The following NPAS2 variants were observed in gnomAD, a reference collection of about 807,000 sequenced individuals.
The protein encoded by NPAS2 is neuronal PAS domain protein 2.
In NPAS2, 23 loss-of-function variants were observed where a neutral mutation model predicts 107.5. That is an observed-to-expected ratio of 0.21 (90% CI 0.15 to 0.30). NPAS2 has a LOEUF of 0.30. Ranked by LOEUF, NPAS2 falls within the 10% of genes least tolerant of loss-of-function variation. The pLI is 1.00. For synonymous variants in NPAS2, 403 were observed against 417.5 expected (o/e 0.97, Z 0.42); for missense variants, 756 against 1,043.3 (o/e 0.72, Z 3.79).
At chr2:100,818,834 G>C (rs1558774243), upstream of NPAS2, among the ~76,000 whole-genome samples, 1 of 152,248 alleles carries the variant, frequency 6.6e-6, no homozygotes. Context: ...CGTGGGAGCG[G>C]GCAGGGGGAC....
chr2:100,923,988 G>A (rs947306662), intron 2 of NPAS2, among the ~76,000 whole-genome samples: 1 of 152,134 alleles, frequency 6.6e-6, no homozygotes, highest in African/African-American at 2.4e-5. Context: ...AGGTGCTTGG[G>A]TGGCTTGGGG....
chr2:100,956,965 C>T (rs1054831264), intron 7 of NPAS2, among the ~76,000 whole-genome samples: 1 of 152,156 alleles, frequency 6.6e-6, no homozygotes, highest in Admixed American at 6.5e-5. Flanking sequence ...GGAGGATGCC[C>T]CCCTCTCCTC....
At chr2:100,831,127 G>A (rs1466765972) in intron 1 of NPAS2, among the ~76,000 whole-genome samples, 1 of 151,914 alleles carries the variant, frequency 6.6e-6, no homozygotes, top group African/African-American at 2.4e-5. Context: ...TGGTGAAACC[G>A]CTTCTGTACT....
At chr2:100,961,634 C>T (rs1042138809) in intron 7 of NPAS2, among the ~76,000 whole-genome samples, 1 of 152,186 alleles carries the variant, frequency 6.6e-6, no homozygotes, top group African/African-American at 2.4e-5. Context: ...GGCAGCCAGG[C>T]CAACAGTAAG....
chr2:100,931,870 A>G (rs925752411), intron 3 of NPAS2, among the ~76,000 whole-genome samples: 1 of 152,264 alleles, frequency 6.6e-6, no homozygotes, highest in East Asian at 1.9e-4. Flanking sequence ...TGCATTCCTC[A>G]TGCGCCACGT....
At chr2:100,960,301 G>A (rs918539845) in intron 7 of NPAS2, among the ~76,000 whole-genome samples, 3 of 151,998 alleles carry the variant, frequency 2.0e-5, no homozygotes, top group African/African-American at 7.2e-5. Flanking sequence ...GGTGGCTCAC[G>A]CCTGTAATCC....
intron 1 of NPAS2, among the ~76,000 whole-genome samples, chr2:100,851,425 C>G (rs10206927): frequency 0.79 from 120,188 of 152,268 alleles, 48,234 homozygotes; most frequent in African/African-American, 0.92. Flanking sequence ...ACATCAAGGT[C>G]CTTGACAAGT....
chr2:100,876,231 C>G (rs530358595), intron 1 of NPAS2, among the ~76,000 whole-genome samples: 1 of 152,320 alleles, frequency 6.6e-6, no homozygotes, highest in African/African-American at 2.4e-5. Flanking sequence ...GCTTAGCAAC[C>G]TTTCTCCAGG....
intron 1 of NPAS2, among the ~76,000 whole-genome samples, chr2:100,869,772 C>T (rs987089154): frequency 6.6e-6 from 1 of 152,192 alleles, no homozygotes; most frequent in Admixed American, 6.5e-5. Flanking sequence ...CTCTGGCCTC[C>T]TGCCTTATCC....
chr2:100,936,729 C>G (rs1684323826), intron 4 of NPAS2, among the ~76,000 whole-genome samples: 1 of 152,104 alleles, frequency 6.6e-6, no homozygotes, highest in African/African-American at 2.4e-5. Context: ...ACCTGTAATC[C>G]CAGCACTTTG....
intron 8 of NPAS2, 30 bp from the exon 9 acceptor site, chr2:100,964,831 A>C (rs1573738078): frequency 7.1e-7 from 1 of 1,411,488 alleles, no homozygotes; most frequent in Non-Finnish European, 9.7e-7. Flanking sequence ...CACCCAAGCA[A>C]CTTTTTTTTT....
chr2:100,980,275 C>T (rs1437442899), intron 15 of NPAS2, among the ~76,000 whole-genome samples: 3 of 152,244 alleles, frequency 2.0e-5, no homozygotes, highest in Middle Eastern at 3.4e-3. Context: ...GAAGGGGCAA[C>T]GCTGAGTTTC....
At chr2:100,887,337 G>A (rs1244012427) in intron 1 of NPAS2, among the ~76,000 whole-genome samples, 3 of 152,212 alleles carry the variant, frequency 2.0e-5, no homozygotes, top group African/African-American at 4.8e-5. Context: ...GGAACAGCAG[G>A]AACAGAGCAG....
Position 100,974,847 on chromosome 2 carries a change from C to G in NPAS2, c.1185C>G (p.Leu395=). The G allele has an allele frequency of 1.9e-6, 3 of 1,614,134 alleles. No individual in the cohort carries two copies. Among genetic ancestry groups the G allele is most frequent in the African/African-American group, 2.7e-5 (2 of 75,064 alleles). The change falls in exon 13 of 21, where the codon CTC becomes CTG. Residue 395 remains leucine (L), a synonymous_variant. Transcript: ENST00000335681. The part of the protein sequence containing the change: ...SLEPRQHFNT[L]DVGASGLNTS... Reference sequence around the variant, plus strand: ...AACCTCGGCAGCACTTTAACACACTCGACGTGGGTGCCTCGGGCCTTAATA... The same window carrying G: ...AACCTCGGCAGCACTTTAACACACTGGACGTGGGTGCCTCGGGCCTTAATA...
At chr2:100,819,123 G>T (rs1161981970), upstream of NPAS2, among the ~76,000 whole-genome samples, 1 of 151,660 alleles carries the variant, frequency 6.6e-6, no homozygotes, top group Non-Finnish European at 1.5e-5. The surrounding 1 kb of genome is among the most constrained non-coding windows in gnomAD (Gnocchi z 5.8). Flanking sequence ...CTTTTTCTTG[G>T]ATTCTCGCCT....
intron 4 of NPAS2, chr2:100,934,892 C>T (rs1349842119): frequency 2.0e-6 from 2 of 985,338 alleles, no homozygotes; most frequent in East Asian, 1.1e-4. Flanking sequence ...AATCCAGGTG[C>T]CATGTCTTAG....
intron 7 of NPAS2, among the ~76,000 whole-genome samples, chr2:100,956,956 G>A (rs1470733403): frequency 6.6e-6 from 1 of 152,216 alleles, no homozygotes; most frequent in Non-Finnish European, 1.5e-5. Flanking sequence ...TTCCCCAGTG[G>A]AGGATGCCCC....
In NPAS2 at chr2:100,982,636, C is replaced by T. The variant is rs187259615; in HGVS notation, c.1629+259C>T. On this transcript the variant is annotated intron_variant, in intron 16 of 20. Transcript: ENST00000335681. ...AGGCACATCTGCTCACTGCCTCCAC[C>T]TACGTTTGCACTTGTGCACTTGGCG... The T allele has an allele frequency of 4.2e-5, 22 of 523,384 alleles. No individual in the cohort carries two copies. The East Asian group carries it at 7.4e-4, about 18-fold the overall frequency. The allele number at this position is 523,384 out of a possible 1,614,324, so 32.4% of individuals were successfully genotyped here.
intron 1 of NPAS2, among the ~76,000 whole-genome samples, chr2:100,846,168 A>G (rs955569423): frequency 6.6e-6 from 1 of 152,112 alleles, no homozygotes; most frequent in Non-Finnish European, 1.5e-5. Flanking sequence ...TTCTGCTTAT[A>G]TGTTTCTTGT....
Sources: allele counts gnomAD v4.1 joint callset (sites outside exome capture counted in the v4.1 genomes callset), GRCh38; gene constraint gnomAD v4.1.1; non-coding constraint Gnocchi (gnomAD v3.1); transcripts MANE v1.5; gene names NCBI Gene and HGNC (gene_info 2026-07-23, HGNC 2026-07-21).